Variants in RPH3AL observed in about 807,000 individuals in gnomAD.
RPH3AL encodes rabphilin 3A like (without C2 domains).
In RPH3AL, 38 loss-of-function variants were observed where a neutral mutation model predicts 43.1. The ratio of observed to expected loss-of-function variants is 0.88; its 90% CI spans 0.68 to 1.15. The LOEUF is 1.15. Ranked by LOEUF, RPH3AL falls within the 50% of genes most tolerant of loss-of-function variation. RPH3AL has a pLI of 0.00. For synonymous variants in RPH3AL, 189 were observed against 176.3 expected (o/e 1.07, Z -0.57); for missense variants, 462 against 423.2 (o/e 1.09, Z -0.81).
intron 7 of RPH3AL, among the ~76,000 whole-genome samples, chr17:233,393 G>A (rs1032134219): frequency 2.6e-5 from 4 of 152,092 alleles, no homozygotes; most frequent in Non-Finnish European, 5.9e-5. Flanking sequence ...GACTTCCAAC[G>A]CCAAGACTGT....
rs1321563959 is a variant in RPH3AL at position 220,278 on chromosome 17, G to A, written c.614-542C>T. Among the ~76,000 whole-genome samples the A allele has an allele frequency of 7.3e-5, 11 of 151,254 alleles. 1 individual carries two copies. Among genetic ancestry groups the A allele is most frequent in the Admixed American group, 7.2e-4 (11 of 15,178 alleles). ...TGAGACAATAGACCCAAGAACAACA[G>A]CTCTGAGGGCTCCACTCACTGAGAC... is the stretch of plus-strand genomic sequence containing the variant. On this transcript the variant is annotated intron_variant, in intron 7 of 9. Transcript: ENST00000331302.
chr17:300,545 G>C (rs113270815), intron 5 of RPH3AL, among the ~76,000 whole-genome samples: 21 of 4,746 alleles, frequency 4.4e-3, no homozygotes, highest in Admixed American at 0.011. Context: ...CTCTCACCCG[G>C]TCTAGCAGGG....
chr17:331,827 T>A (rs1245281405), intron 2 of RPH3AL: 2 of 1,289,078 alleles, frequency 1.6e-6, no homozygotes, highest in African/African-American at 3.0e-5. Flanking sequence ...CAGAGAGCAG[T>A]GCCCTGTGCA....
At chr17:299,864 C>T (rs2043278100) in intron 5 of RPH3AL, among the ~76,000 whole-genome samples, 2 of 152,386 alleles carry the variant, frequency 1.3e-5, no homozygotes, top group South Asian at 4.1e-4. Flanking sequence ...CTGACCAGAC[C>T]CAGGGAAGAC....
At position 323,912 on chromosome 17, in the gene RPH3AL, C is replaced by T. The variant is rs966825746; in HGVS notation, c.78-2497G>A. 6.6e-6 allele frequency among the ~76,000 whole-genome samples: 1 copy of T among 150,992 alleles called. No individual in the cohort carries two copies. The stretch of plus-strand genomic sequence containing the variant: ...GCAGGCCCAGACCCTTACAGTCACC[C>T]GGTGAGGTGGGCCCAGACCCTCAGT... On this transcript the variant is annotated intron_variant, in intron 3 of 9. Transcript: ENST00000331302. The surrounding 1 kb of genome is among the most constrained non-coding windows in gnomAD (Gnocchi z 4.4).
chr17:235,924 G>A (rs536690314), intron 7 of RPH3AL, among the ~76,000 whole-genome samples: 196 of 117,228 alleles, frequency 1.7e-3, no homozygotes, highest in Middle Eastern at 4.6e-3. Context: ...GGGGTCGGCC[G>A]AGGCTCCGCA....
chr17:276,368 T>C (rs954591049), intron 6 of RPH3AL, among the ~76,000 whole-genome samples: 1 of 152,226 alleles, frequency 6.6e-6, no homozygotes, highest in African/African-American at 2.4e-5. Flanking sequence ...ATTCCTTCTC[T>C]TAGATCTTTT....
chr17:267,413 C>T (rs72806005), intron 6 of RPH3AL, among the ~76,000 whole-genome samples: 11,629 of 152,236 alleles, frequency 0.076, 554 homozygotes, highest in Middle Eastern at 0.15. Flanking sequence ...GGGCTGGAGG[C>T]GGAAAATTGG....
In RPH3AL at chr17:213,889, T is replaced by TCAGC; in HGVS notation, c.907_910dup (p.Asp304GlyfsTer2). 6.2e-7 allele frequency: 1 copy of TCAGC among 1,613,778 alleles called. No individual in the cohort carries two copies. Among genetic ancestry groups the TCAGC allele is most frequent in the Non-Finnish European group, 8.5e-7 (1 of 1,179,970 alleles). On this transcript the variant is annotated stop_gained and frameshift_variant, in exon 10 of 10. Transcript: ENST00000331302. LOFTEE classifies it high-confidence loss of function. ...GCTGGAGGGGCCTGCTGGAGCTGCG[T>TCAGC]CAGCAGCGGGGGCTCGTCCAGGTGT...
chr17:326,188 G>A (rs2044615741), intron 3 of RPH3AL, among the ~76,000 whole-genome samples: 2 of 152,388 alleles, frequency 1.3e-5, no homozygotes, highest in South Asian at 2.1e-4. Context: ...GGGGCCGCAT[G>A]AAGGAGCCGA....
intron 4 of RPH3AL, 129 bp downstream of exon 4, chr17:321,143 G>A: frequency 8.4e-7 from 1 of 1,190,970 alleles, no homozygotes; most frequent in Non-Finnish European, 1.2e-6. Context: ...GCTGGAGTCA[G>A]GGACCTCCTC....
intron 5 of RPH3AL, among the ~76,000 whole-genome samples, chr17:296,431 G>A (rs1475808986): frequency 1.9e-3 from 259 of 136,844 alleles, no homozygotes; most frequent in Middle Eastern, 9.5e-3. Flanking sequence ...GGGAGGGACA[G>A]AGGAGCTGCA....
chr17:216,492 A>C (rs4417592), intron 8 of RPH3AL, among the ~76,000 whole-genome samples: 58,724 of 151,740 alleles, frequency 0.39, 11,941 homozygotes, highest in East Asian at 0.51. Flanking sequence ...TGCCTGGCCA[A>C]GAGAGCAGAC....
intron 6 of RPH3AL, among the ~76,000 whole-genome samples, chr17:271,681 G>A (rs906042050): frequency 6.6e-6 from 1 of 152,212 alleles, no homozygotes; most frequent in African/African-American, 2.4e-5. Context: ...GAGACAACAG[G>A]GTTTTCTAGA....
chr17:327,356 C>T, intron 3 of RPH3AL, 111 bp downstream of exon 3: 1 of 958,164 alleles, frequency 1.0e-6, no homozygotes, highest in East Asian at 2.4e-5. Flanking sequence ...CGACAGGCAC[C>T]TCTCTCCAAA....
chr17:216,593 C>T (rs1261382052), intron 8 of RPH3AL, among the ~76,000 whole-genome samples: 2 of 151,048 alleles, frequency 1.3e-5, no homozygotes, highest in Non-Finnish European at 3.0e-5. Context: ...GACAAGAGCC[C>T]ATGGTGGGAG....
At chr17:262,884 C>T (rs185258334) in intron 6 of RPH3AL, among the ~76,000 whole-genome samples, 5 of 152,298 alleles carry the variant, frequency 3.3e-5, no homozygotes, top group East Asian at 3.9e-4. Flanking sequence ...CCCGCAGAAG[C>T]CCCAGTAAAG....
chr17:257,816 CTGTCCCTAGGAATGTGACTACCCTA>C (rs2042093427), intron 6 of RPH3AL, among the ~76,000 whole-genome samples: 1 of 23,878 alleles, frequency 4.2e-5, no homozygotes, highest in Non-Finnish European at 8.8e-5. Context: ...CTGTCCTGTT[CTGTCCCTAGGAATGTGACTACCCTA>C]CGTACTTCCT....
chr17:241,721 CTTTTTTTTT>C (rs58397357), intron 7 of RPH3AL, among the ~76,000 whole-genome samples: 1 of 134,012 alleles, frequency 7.5e-6, no homozygotes, highest in Non-Finnish European at 1.6e-5. Flanking sequence ...CTTTTTTTTT[CTTTTTTTTT>C]TTTTTTGAGA....
Sources: gnomAD v4.1 joint callset for allele counts (sites outside exome capture counted in the v4.1 genomes callset) on GRCh38, gnomAD v4.1.1 for gene constraint, Gnocchi (gnomAD v3.1) non-coding constraint, MANE v1.5 for transcripts, NCBI Gene and HGNC (gene_info 2026-07-23, HGNC 2026-07-21) for gene names.